Variants in PLCB1 observed in about 807,000 individuals in gnomAD.
PLCB1 encodes 1-phosphatidylinositol 4,5-bisphosphate phosphodiesterase beta-1.
A neutral mutation model predicts 161.8 loss-of-function variants in PLCB1; 46 were observed. That is an observed-to-expected ratio of 0.28 (90% CI 0.22 to 0.36). The LOEUF is 0.36. Among genes scored for constraint, PLCB1 ranks in the 10% least tolerant of loss-of-function variants. The pLI, the probability that PLCB1 is intolerant of heterozygous loss-of-function variation, is 1.00. For synonymous variants in PLCB1, 517 were observed against 503.7 expected, an observed-to-expected ratio of 1.03 and a Z score of -0.35; for missense variants, 1,016 against 1,472.5, an observed-to-expected ratio of 0.69 and a Z score of 5.07.
intron 31 of PLCB1, among the ~76,000 whole-genome samples, chr20:8,865,603 A>G (rs1180973998): frequency 1.3e-5 from 2 of 152,180 alleles, no homozygotes; most frequent in Non-Finnish European, 2.9e-5. Context: ...TTTCCAGTTG[A>G]TGAACAGTTT....
intron 2 of PLCB1, among the ~76,000 whole-genome samples, chr20:8,290,597 G>C (rs1476702525): frequency 6.6e-6 from 1 of 152,182 alleles, no homozygotes; most frequent in Non-Finnish European, 1.5e-5. Flanking sequence ...CCATCAAAGA[G>C]ATGAAAGCGC....
At chr20:8,701,708 T>G (rs963659970) in intron 11 of PLCB1, among the ~76,000 whole-genome samples, 1 of 152,220 alleles carries the variant, frequency 6.6e-6, no homozygotes, top group Non-Finnish European at 1.5e-5. Flanking sequence ...GAGCAGAACC[T>G]GACATATAGT....
At chr20:8,760,306 A>G in intron 24 of PLCB1, 101 bp from the exon 25 acceptor site, 2 of 649,814 alleles carry the variant, frequency 3.1e-6, no homozygotes, top group Admixed American at 5.7e-5. Flanking sequence ...ATTTCTCTGA[A>G]AAGAGATTTA....
intron 1 of PLCB1, among the ~76,000 whole-genome samples, chr20:8,146,060 GT>G (rs1178819498): frequency 6.6e-6 from 1 of 150,834 alleles, no homozygotes; most frequent in Non-Finnish European, 1.5e-5. Context: ...ACGAAAAGTG[GT>G]TTTGGGGAAC....
intron 3 of PLCB1, among the ~76,000 whole-genome samples, chr20:8,593,352 CGTGTGT>C (rs542015201): frequency 6.7e-6 from 1 of 149,910 alleles, no homozygotes; most frequent in East Asian, 2.0e-4. Context: ...TGTGTGTGCG[CGTGTGT>C]GTGTGTGTGT....
chr20:8,436,414 G>A (rs1234483419), intron 3 of PLCB1, among the ~76,000 whole-genome samples: 1 of 148,212 alleles, frequency 6.7e-6, no homozygotes, highest in Admixed American at 6.9e-5. Context: ...AGAAAATCTG[G>A]ACTTCTTAAG....
chr20:8,235,763 G>A (rs953398973), intron 2 of PLCB1, among the ~76,000 whole-genome samples: 4 of 151,910 alleles, frequency 2.6e-5, no homozygotes, highest in Admixed American at 6.6e-5. Context: ...AGTTCAACAC[G>A]GAAATTATTT....
intron 19 of PLCB1, among the ~76,000 whole-genome samples, chr20:8,736,307 T>C (rs1176603073): frequency 6.6e-6 from 1 of 152,188 alleles, no homozygotes; most frequent in African/African-American, 2.4e-5. Flanking sequence ...ATACGTAATA[T>C]TAAAAATCTC....
chr20:8,466,752 C>T (rs1600089861), intron 3 of PLCB1, among the ~76,000 whole-genome samples: 1 of 152,050 alleles, frequency 6.6e-6, no homozygotes, highest in Non-Finnish European at 1.5e-5. Flanking sequence ...TTAATTCTAT[C>T]ACTTAACAGT....
intron 1 of PLCB1, among the ~76,000 whole-genome samples, chr20:8,149,984 A>T (rs1406993668): frequency 6.6e-6 from 1 of 152,108 alleles, no homozygotes; most frequent in Non-Finnish European, 1.5e-5. Flanking sequence ...ATAAGTAATG[A>T]TGTTTAGTGT....
At position 8,573,454 on chromosome 20, in the gene PLCB1, C is replaced by A. The variant is rs112233272; in HGVS notation, c.247-54840C>A. 3.9e-3 allele frequency among the ~76,000 whole-genome samples: 601 copies of A among 152,314 alleles called. 3 individuals are homozygous for A. The highest frequency in any genetic ancestry group is 0.013 in the African/African-American group (557 of 41,586). ...CAATATGTTTGGCAGCAATTATTTT[C>A]AATGCTGCATACTATTCCATTCTCT... On this transcript the variant is annotated intron_variant, in intron 3 of 31. Transcript: ENST00000338037.
chr20:8,453,861 C>T (rs1976181811), intron 3 of PLCB1, among the ~76,000 whole-genome samples: 2 of 152,176 alleles, frequency 1.3e-5, no homozygotes, highest in South Asian at 4.1e-4. Flanking sequence ...GAAGCCCTCA[C>T]CCACAGTGTA....
At chr20:8,642,695 A>G (rs572496021) in intron 4 of PLCB1, among the ~76,000 whole-genome samples, 7 of 152,366 alleles carry the variant, frequency 4.6e-5, no homozygotes, top group African/African-American at 1.4e-4. Context: ...ATATTAATTC[A>G]ATAGAGGACG....
intron 5 of PLCB1, among the ~76,000 whole-genome samples, chr20:8,647,021 C>G (rs1989188496): frequency 2.6e-5 from 4 of 152,190 alleles, no homozygotes; most frequent in Admixed American, 6.5e-5. Context: ...TTATTTTACT[C>G]TTCTATGAAT....
At chr20:8,650,949 A>G (rs1989300208) in intron 7 of PLCB1, among the ~76,000 whole-genome samples, 1 of 152,186 alleles carries the variant, frequency 6.6e-6, no homozygotes, top group Admixed American at 6.5e-5. Flanking sequence ...TTTCATTTTT[A>G]TGCCTGACAC....
chr20:8,302,080 C>T (rs1983935671), intron 2 of PLCB1, among the ~76,000 whole-genome samples: 1 of 152,184 alleles, frequency 6.6e-6, no homozygotes, highest in African/African-American at 2.4e-5. Context: ...GCATGGTGCT[C>T]AGTAAGAACT....
chr20:8,242,948 T>A (rs1173712836), intron 2 of PLCB1, among the ~76,000 whole-genome samples: 1 of 151,880 alleles, frequency 6.6e-6, no homozygotes. Flanking sequence ...GCTATGTTAA[T>A]TGGAAGTTAA....
chr20:8,784,305 G>A (rs1054488351), intron 27 of PLCB1, among the ~76,000 whole-genome samples: 4 of 151,988 alleles, frequency 2.6e-5, no homozygotes, highest in East Asian at 3.9e-4. Context: ...GCTCACACCT[G>A]TAATCCCAGC....
intron 4 of PLCB1, among the ~76,000 whole-genome samples, chr20:8,638,734 A>C (rs763540669): frequency 6.6e-6 from 1 of 152,184 alleles, no homozygotes; most frequent in Non-Finnish European, 1.5e-5. Context: ...TTTAACAAGC[A>C]TATATTACAC....
Sources: allele counts gnomAD v4.1 joint callset (sites outside exome capture counted in the v4.1 genomes callset), GRCh38; gene constraint gnomAD v4.1.1; transcripts MANE v1.5; gene names NCBI Gene and HGNC (gene_info 2026-07-23, HGNC 2026-07-21).